Variants in LPIN2 observed in about 807,000 individuals in gnomAD.
The protein encoded by LPIN2 is lipin 2.
In LPIN2, 55 loss-of-function variants were observed where a neutral mutation model predicts 111.4. That is an observed-to-expected ratio of 0.49 (90% confidence interval 0.40 to 0.62). The LOEUF is 0.62. Among genes scored for constraint, LPIN2 ranks in the 20% least tolerant of loss-of-function variants. LPIN2 has a pLI of 0.00. For missense variants in LPIN2, 992 were observed against 1,112.1 expected (o/e 0.89, Z 1.54); for synonymous variants, 425 against 414.0 (o/e 1.03, Z -0.32).
At position 2,934,335 on chromosome 18, in the gene LPIN2, A is replaced by G. The variant is rs369114722; in HGVS notation, c.1268+16T>C. On this transcript the variant is annotated intron_variant, in intron 8 of 19. Coordinates refer to ENST00000677752, the MANE Select transcript of LPIN2 (RefSeq NM_001375808.2). ...CTATTTCAGAGCTGTCCTTCAATAA[A>G]TAAGGACCACTCTACCTTTTAGGGA... 1.9e-5 allele frequency: 29 copies of G among 1,526,976 alleles called. No individual in the cohort carries two copies. Among genetic ancestry groups the G allele is most frequent in the Non-Finnish European group, 2.5e-5 (28 of 1,101,012 alleles). The allele number at this position is 1,526,976 out of a possible 1,614,324, so 94.6% of individuals were successfully genotyped here.
rs770391456 is a variant in LPIN2 at position 2,946,434 on chromosome 18, C to T, written c.590+4621G>A. 45 of 1,443,694 alleles carry T rather than the reference C, an allele frequency of 3.1e-5. No individual in the cohort carries two copies. In the East Asian group the frequency reaches 3.2e-4, roughly 10 times the overall value. 89.4% of individuals were successfully genotyped at this position (1,443,694 alleles called of 1,614,324 possible). A position where few individuals can be genotyped will look rare whatever the true frequency, so the allele number is the denominator to read the frequency against. On this transcript the variant is annotated intron_variant, in intron 4 of 19. Transcript: ENST00000677752. ...CAGCAAGACCAACCCTTTAATGCAT[C>T]GTGAAAGACTGGAACGCCTGGGTGA...
intron 1 of LPIN2, among the ~76,000 whole-genome samples, chr18:2,965,059 C>T (rs991002130): frequency 2.0e-5 from 3 of 151,902 alleles, no homozygotes; most frequent in African/African-American, 4.8e-5. Context: ...GCTGTTTAGG[C>T]CTAGGTACCT....
intron 1 of LPIN2, among the ~76,000 whole-genome samples, chr18:2,972,698 C>G (rs932332091): frequency 4.6e-5 from 7 of 152,158 alleles, no homozygotes; most frequent in Admixed American, 4.6e-4. Flanking sequence ...AAAAGGGGGC[C>G]CCAACTCCCT....
intron 16 of LPIN2, among the ~76,000 whole-genome samples, 162 bp from the exon 17 acceptor site, chr18:2,922,361 A>C (rs1289912275): frequency 4.0e-5 from 6 of 150,880 alleles, no homozygotes; most frequent in African/African-American, 1.5e-4. Context: ...TGCAACCTCC[A>C]CCTCCTGGAT....
intron 1 of LPIN2, among the ~76,000 whole-genome samples, chr18:3,001,095 C>A (rs1466886588): frequency 1.3e-5 from 2 of 152,140 alleles, no homozygotes; most frequent in African/African-American, 4.8e-5. Context: ...CTATAGCTAG[C>A]CTATCAGTTG....
intron 1 of LPIN2, among the ~76,000 whole-genome samples, chr18:2,981,187 A>G (rs2078105043): frequency 6.6e-6 from 1 of 151,638 alleles, no homozygotes; most frequent in South Asian, 2.1e-4. Flanking sequence ...AAAGGATGTG[A>G]TTTGTAAGGA....
At chr18:2,975,491 T>G (rs2077997607) in intron 1 of LPIN2, among the ~76,000 whole-genome samples, 1 of 152,136 alleles carries the variant, frequency 6.6e-6, no homozygotes, top group Admixed American at 6.6e-5. Flanking sequence ...CGTGCCACCA[T>G]GCCCAGCTAA....
At chr18:2,928,496 T>C in intron 11 of LPIN2, 95 bp downstream of exon 11, 1 of 1,187,196 alleles carries the variant, frequency 8.4e-7, no homozygotes, top group Middle Eastern at 1.9e-4. Flanking sequence ...AAACTTTGAA[T>C]AGTACCCAGT....
intron 1 of LPIN2, among the ~76,000 whole-genome samples, chr18:3,001,313 G>A (rs1298622894): frequency 6.6e-6 from 1 of 152,206 alleles, no homozygotes; most frequent in East Asian, 1.9e-4. Flanking sequence ...TGACTGCAGA[G>A]TTCTGTAGTC....
intron 1 of LPIN2, among the ~76,000 whole-genome samples, chr18:2,983,696 G>C (rs1028650148): frequency 6.6e-6 from 1 of 151,870 alleles, no homozygotes; most frequent in Non-Finnish European, 1.5e-5. Flanking sequence ...AGAATGAAAA[G>C]AGAATAAAAA....
Position 2,924,548 on chromosome 18 carries a change from T to G in LPIN2, c.1939-2A>C. On this transcript the variant is annotated splice_acceptor_variant, in intron 14 of 19. Coordinates refer to ENST00000677752, the MANE Select transcript of LPIN2 (RefSeq NM_001375808.2). LOFTEE classifies it high-confidence loss of function. ...GCCATCGTGGAGCTTCAGTTTTGCC[T>G]TTTAAAAAAGCATAAGAATAAAGAA... is the stretch of plus-strand genomic sequence containing the variant. 6.2e-7 allele frequency: 1 copy of G among 1,613,832 alleles called. No homozygotes were observed. The highest frequency in any genetic ancestry group is 8.5e-7 in the Non-Finnish European group (1 of 1,179,846).
At chr18:2,921,420 T>C (rs1401247461) in intron 18 of LPIN2, 113 bp downstream of exon 18, 1 of 798,210 alleles carries the variant, frequency 1.3e-6, no homozygotes, top group East Asian at 2.6e-5. Flanking sequence ...GCAGAACAGA[T>C]GCCTCATTTT....
intron 4 of LPIN2, among the ~76,000 whole-genome samples, chr18:2,949,835 A>C (rs2077507296): frequency 6.6e-6 from 1 of 152,238 alleles, no homozygotes; most frequent in Non-Finnish European, 1.5e-5. Context: ...TCAGTGGTTC[A>C]TGCCTGTAAT....
chr18:2,952,435 C>T (rs1024143632), intron 3 of LPIN2, among the ~76,000 whole-genome samples: 3 of 152,142 alleles, frequency 2.0e-5, no homozygotes, highest in South Asian at 4.2e-4. Flanking sequence ...AAACAAACAA[C>T]AAAAAAATTA....
At chr18:2,939,298 CAAAT>C (rs2077336152) in intron 6 of LPIN2, among the ~76,000 whole-genome samples, 178 bp downstream of exon 6, 2 of 152,144 alleles carry the variant, frequency 1.3e-5, no homozygotes, top group African/African-American at 2.4e-5. Context: ...CCTTCGGTTG[CAAAT>C]ATATAGTCCA....
intron 1 of LPIN2, among the ~76,000 whole-genome samples, chr18:3,000,118 A>AGGAGGAGGAGGAGG (rs2078412341): frequency 6.9e-6 from 1 of 144,202 alleles, no homozygotes; most frequent in African/African-American, 2.6e-5. Flanking sequence ...GGAGGGGAAG[A>AGGAGGAGGAGGAGG]AGGAGGAGGA....
At position 2,958,157 on chromosome 18, in the gene LPIN2, A is replaced by AAAAAAAAAAAAAAAAAAAAAAAAAAG. The variant is rs2077646238; in HGVS notation, c.192+2491_192+2492insCTTTTTTTTTTTTTTTTTTTTTTTTT. Among the ~76,000 whole-genome samples, 2 of 39,058 alleles carry AAAAAAAAAAAAAAAAAAAAAAAAAAG rather than the reference A, an allele frequency of 5.1e-5. 1 individual carries two copies. The highest frequency in any genetic ancestry group is 8.4e-5 in the Non-Finnish European group (2 of 23,860). The allele number at this position is 39,058 out of a possible 152,430, so 25.6% of individuals were successfully genotyped here. On this transcript the variant is annotated intron_variant, in intron 2 of 19. Coordinates refer to ENST00000677752, the MANE Select transcript of LPIN2 (RefSeq NM_001375808.2). Reference sequence around the variant, plus strand: ...ACTCCATCTCAAAAAAAAAAAAAAAACAACAAAAAAAAAAAACAGAAAAAA... The same window carrying AAAAAAAAAAAAAAAAAAAAAAAAAAG: ...ACTCCATCTCAAAAAAAAAAAAAAAAAAAAAAAAAAAAAAAAAAAAAAAAAGCAACAAAAAAAAAAAACAGAAAAAA...
At chr18:3,010,569 G>GC (rs1356332161) in intron 1 of LPIN2, among the ~76,000 whole-genome samples, 5 of 152,136 alleles carry the variant, frequency 3.3e-5, no homozygotes, top group Admixed American at 2.0e-4. Context: ...ATCTGGCACG[G>GC]CAAGTCGGGC....
intron 9 of LPIN2, 39 bp from the exon 10 acceptor site, chr18:2,929,197 C>T (rs903561379): frequency 8.1e-7 from 1 of 1,229,450 alleles, no homozygotes; most frequent in African/African-American, 1.5e-5. Context: ...TTAGAGATTA[C>T]ATAAATCCCT....
Sources: gnomAD v4.1 joint callset for allele counts (sites outside exome capture counted in the v4.1 genomes callset) on GRCh38, gnomAD v4.1.1 for gene constraint, MANE v1.5 for transcripts, NCBI Gene and HGNC (gene_info 2026-07-23, HGNC 2026-07-21) for gene names.